PLD5: variants seen among roughly 807,000 people sequenced by gnomAD.
The protein encoded by PLD5 is phospholipase D family member 5, also known as inactive phospholipase D5.
Under a neutral mutation model 61.1 loss-of-function variants are expected in PLD5, and 36 were observed. The ratio of observed to expected loss-of-function variants is 0.59; its 90% confidence interval spans 0.45 to 0.78. PLD5 has a LOEUF of 0.78. Among genes scored for constraint, PLD5 ranks in the 30% least tolerant of loss-of-function variants. The pLI is 0.00. For synonymous variants in PLD5, 243 were observed against 242.8 expected, an observed-to-expected ratio of 1.00 and a Z score of -0.01; for missense variants, 515 against 644.4, an observed-to-expected ratio of 0.80 and a Z score of 2.17.
At chr1:242,421,320 TCC>T (rs1665131680) in intron 1 of PLD5, among the ~76,000 whole-genome samples, 1 of 152,148 alleles carries the variant, frequency 6.6e-6, no homozygotes, top group Non-Finnish European at 1.5e-5. Flanking sequence ...TCATTGACAT[TCC>T]AGGCTGTAGG....
At chr1:242,161,730 T>A (rs549329250) in intron 5 of PLD5, among the ~76,000 whole-genome samples, 1 of 152,112 alleles carries the variant, frequency 6.6e-6, no homozygotes, top group East Asian at 1.9e-4. Flanking sequence ...GTGGTGAAGA[T>A]CTCGTCCAGA....
chr1:242,187,471 T>C (rs1436869818), intron 5 of PLD5, among the ~76,000 whole-genome samples: 5 of 152,220 alleles, frequency 3.3e-5, no homozygotes, highest in Non-Finnish European at 5.9e-5. Flanking sequence ...CTTGTGCATA[T>C]TCATAACTGA....
intron 1 of PLD5, among the ~76,000 whole-genome samples, chr1:242,499,283 T>C (rs537051898): frequency 2.0e-5 from 3 of 152,316 alleles, no homozygotes; most frequent in African/African-American, 4.8e-5. Context: ...AGGCTTTATA[T>C]GTGGCAAGTA....
chr1:242,376,758 C>T (rs1272152248), intron 1 of PLD5, among the ~76,000 whole-genome samples: 2 of 152,058 alleles, frequency 1.3e-5, no homozygotes, highest in African/African-American at 4.8e-5. Flanking sequence ...TAATACTTAT[C>T]GAGGATATAT....
chr1:242,328,473 G>T (rs1202431215), intron 2 of PLD5, among the ~76,000 whole-genome samples: 1 of 151,900 alleles, frequency 6.6e-6, no homozygotes, highest in African/African-American at 2.4e-5. Flanking sequence ...CTACATATGT[G>T]TATTCTACAT....
intron 5 of PLD5, among the ~76,000 whole-genome samples, chr1:242,173,371 C>T (rs1666888459): frequency 6.6e-6 from 1 of 152,128 alleles, no homozygotes; most frequent in South Asian, 2.1e-4. Context: ...TCAAGGAGAA[C>T]TACAAACCAC....
intron 1 of PLD5, among the ~76,000 whole-genome samples, chr1:242,405,927 A>AG (rs1664212404): frequency 6.6e-6 from 1 of 151,872 alleles, no homozygotes; most frequent in Non-Finnish European, 1.5e-5. Context: ...GACCTAAAAA[A>AG]AAATCTAGCA....
chr1:242,367,951 G>A (rs1291268311), intron 1 of PLD5, among the ~76,000 whole-genome samples: 1 of 152,142 alleles, frequency 6.6e-6, no homozygotes, highest in Non-Finnish European at 1.5e-5. Context: ...GTAAATTTAT[G>A]TTCTTGATTG....
chr1:242,298,717 C>T (rs1675857651), intron 2 of PLD5, among the ~76,000 whole-genome samples: 1 of 152,136 alleles, frequency 6.6e-6, no homozygotes, highest in African/African-American at 2.4e-5. Context: ...GCTCTCTTAC[C>T]TTATTCTAGC....
intron 2 of PLD5, among the ~76,000 whole-genome samples, chr1:242,311,149 C>T (rs1327184910): frequency 6.6e-6 from 1 of 152,028 alleles, no homozygotes; most frequent in Non-Finnish European, 1.5e-5. Flanking sequence ...AACAAAAACG[C>T]CAAGTAACCA....
rs5782212 is a variant in PLD5 at position 242,088,933 on chromosome 1, AT to A, written c.*920del. On this transcript the variant is annotated 3_prime_UTR_variant, in exon 10 of 10. Transcript: ENST00000536534. ...AATTAAAATCCACTGACGCATAGAG[AT>A]TTTTTCCTTTATAATACCATAAACT... 0.47 allele frequency: 79,176 copies of A among 169,644 alleles called. 19,538 individuals are homozygous for A. The highest frequency in any genetic ancestry group is 0.62 in the African/African-American group (26,269 of 42,336). The allele number at this position is 169,644 out of a possible 1,614,324, so 10.5% of individuals were successfully genotyped here. A position where few individuals can be genotyped will look rare whatever the true frequency, so the allele number is the denominator to read the frequency against.
intron 5 of PLD5, among the ~76,000 whole-genome samples, chr1:242,157,047 C>T (rs1665429153): frequency 1.3e-5 from 2 of 152,008 alleles, no homozygotes; most frequent in African/African-American, 2.4e-5. Context: ...AGGCTTTGTT[C>T]ATTCCCTTTC....
rs1262266820 is a variant in PLD5 at position 242,085,148 on chromosome 1, A to G, written c.*4706T>C. ...TATCCTATTTACATAAAGGAACATT[A>G]AAAATTCAAGATACCTTTTGTAACA... On this transcript the variant is annotated 3_prime_UTR_variant, in exon 10 of 10. Transcript: ENST00000536534. The G allele has an allele frequency of 6.6e-6, 1 of 152,210 alleles. No homozygotes were observed. The highest frequency in any genetic ancestry group is 1.9e-4 in the East Asian group (1 of 5,202). The allele number at this position is 152,210 out of a possible 1,614,324, so 9.4% of individuals were successfully genotyped here. A position where few individuals can be genotyped will look rare whatever the true frequency, so the allele number is the denominator to read the frequency against.
At chr1:242,505,673 G>C (rs1668697057) in intron 1 of PLD5, among the ~76,000 whole-genome samples, 1 of 152,208 alleles carries the variant, frequency 6.6e-6, no homozygotes, top group African/African-American at 2.4e-5. Flanking sequence ...TCTGAGCTGT[G>C]CGTTAAAAAT....
intron 3 of PLD5, among the ~76,000 whole-genome samples, chr1:242,282,260 A>G (rs2149128781): frequency 6.6e-6 from 1 of 152,296 alleles, no homozygotes; most frequent in South Asian, 2.1e-4. Flanking sequence ...TTTGCTATTG[A>G]GGAAACTGAG....
At chr1:242,292,225 C>G (rs1675409258) in intron 2 of PLD5, among the ~76,000 whole-genome samples, 1 of 152,118 alleles carries the variant, frequency 6.6e-6, no homozygotes, top group African/African-American at 2.4e-5. Flanking sequence ...GTTTCTGCCT[C>G]CCCTACAACC....
intron 4 of PLD5, 143 bp downstream of exon 4, chr1:242,265,194 G>A (rs781500565): frequency 2.2e-5 from 25 of 1,117,918 alleles, no homozygotes; most frequent in African/African-American, 3.3e-5. Flanking sequence ...AACTTTAATC[G>A]AGTTATTTTT....
chr1:242,376,271 T>C (rs1661948543), intron 1 of PLD5, among the ~76,000 whole-genome samples: 1 of 152,146 alleles, frequency 6.6e-6, no homozygotes, highest in Non-Finnish European at 1.5e-5. Flanking sequence ...TCAGTTTTTA[T>C]CCACGGCTGG....
At chr1:242,519,189 G>A (rs1023476004) in intron 1 of PLD5, among the ~76,000 whole-genome samples, 8 of 152,172 alleles carry the variant, frequency 5.3e-5, no homozygotes, top group African/African-American at 1.9e-4. Flanking sequence ...CACCCTGTGG[G>A]GTACAGTATT....
Sources: gnomAD v4.1 joint callset for allele counts (sites outside exome capture counted in the v4.1 genomes callset) on GRCh38, gnomAD v4.1.1 for gene constraint, MANE v1.5 for transcripts, NCBI Gene and HGNC (gene_info 2026-07-23, HGNC 2026-07-21) for gene names.